Variants in CDK14 observed in about 807,000 individuals in gnomAD.
The protein encoded by CDK14 is cyclin-dependent kinase 14.
A neutral mutation model predicts 60.7 loss-of-function variants in CDK14; 34 were observed. The ratio of observed to expected loss-of-function variants is 0.56; its 90% CI spans 0.43 to 0.75. CDK14 has a LOEUF of 0.75. Among genes scored for constraint, CDK14 ranks in the 30% least tolerant of loss-of-function variants. The probability of loss-of-function intolerance (pLI) is 0.00; values close to 1 mark genes in which losing one functional copy is unlikely to be tolerated. For missense variants in CDK14, 482 were observed against 564.1 expected, an observed-to-expected ratio of 0.85 and a Z score of 1.47; for synonymous variants, 197 against 203.7, an observed-to-expected ratio of 0.97 and a Z score of 0.28.
intron 14 of CDK14, among the ~76,000 whole-genome samples, chr7:91,173,724 C>T (rs2115819568): frequency 6.6e-6 from 1 of 152,312 alleles, no homozygotes; most frequent in South Asian, 2.1e-4. Context: ...GGGTCACTCC[C>T]ACCCCAATAC....
At chr7:90,926,465 C>G (rs1480381349) in intron 8 of CDK14, among the ~76,000 whole-genome samples, 2 of 152,112 alleles carry the variant, frequency 1.3e-5, no homozygotes, top group Admixed American at 6.5e-5. Context: ...CATTGAGAAG[C>G]CTTATGGACA....
chr7:91,016,700 C>T (rs1240538416), intron 10 of CDK14, among the ~76,000 whole-genome samples: 4 of 152,206 alleles, frequency 2.6e-5, no homozygotes, highest in African/African-American at 9.7e-5. Flanking sequence ...GGCAAATCCA[C>T]TGCTACTATG....
chr7:90,923,835 G>T (rs1207458072), intron 8 of CDK14, among the ~76,000 whole-genome samples: 1 of 152,228 alleles, frequency 6.6e-6, no homozygotes, highest in African/African-American at 2.4e-5. Flanking sequence ...CATACTGGAT[G>T]TAAGTTAAAA....
intron 14 of CDK14, among the ~76,000 whole-genome samples, chr7:91,166,659 G>A (rs1584153640): frequency 1.3e-5 from 2 of 152,090 alleles, no homozygotes; most frequent in African/African-American, 4.8e-5. Context: ...TGGCATTTTC[G>A]CTTTTTATTC....
At chr7:90,948,944 G>T (rs928087733) in intron 8 of CDK14, among the ~76,000 whole-genome samples, 1 of 152,126 alleles carries the variant, frequency 6.6e-6, no homozygotes, top group African/African-American at 2.4e-5. Flanking sequence ...ATAGTATTTA[G>T]CCAAAGAATT....
intron 12 of CDK14, among the ~76,000 whole-genome samples, chr7:91,082,094 A>G (rs1798497924): frequency 6.6e-6 from 1 of 152,158 alleles, no homozygotes; most frequent in African/African-American, 2.4e-5. Context: ...TTTCTCTTCC[A>G]AATCTCTCTA....
At chr7:91,164,126 G>A (rs1242738792) in intron 14 of CDK14, among the ~76,000 whole-genome samples, 3 of 152,048 alleles carry the variant, frequency 2.0e-5, no homozygotes, top group Non-Finnish European at 2.9e-5. Flanking sequence ...ATAGCAGAAC[G>A]TTGGCAACAC....
intron 11 of CDK14, among the ~76,000 whole-genome samples, chr7:91,052,137 G>C (rs1562883720): frequency 6.6e-6 from 1 of 152,162 alleles, no homozygotes; most frequent in Non-Finnish European, 1.5e-5. Context: ...AGTGCGAGTG[G>C]TGTTTGATTG....
At chr7:90,621,655 T>TCCTTCCTTCCTTCCTTCCTG (rs1799770444) in intron 2 of CDK14, among the ~76,000 whole-genome samples, 1 of 111,650 alleles carries the variant, frequency 9.0e-6, no homozygotes, top group African/African-American at 3.6e-5. Flanking sequence ...CTTCCTTCCT[T>TCCTTCCTTCCTTCCTTCCTG]CCTTCCTTCC....
chr7:91,160,227 T>C (rs1178325748), intron 14 of CDK14, among the ~76,000 whole-genome samples: 1 of 152,178 alleles, frequency 6.6e-6, no homozygotes, highest in Non-Finnish European at 1.5e-5. Context: ...CAAAAGACCC[T>C]GTGCCCTCGG....
At chr7:90,789,733 T>C (rs943759858) in intron 4 of CDK14, among the ~76,000 whole-genome samples, 6 of 152,148 alleles carry the variant, frequency 3.9e-5, no homozygotes, top group African/African-American at 1.4e-4. Flanking sequence ...ATATGTGTGC[T>C]TTTGTTTTTT....
intron 14 of CDK14, among the ~76,000 whole-genome samples, chr7:91,175,763 C>T (rs1334801901): frequency 6.8e-6 from 1 of 147,718 alleles, no homozygotes; most frequent in Non-Finnish European, 1.5e-5. Flanking sequence ...AGCTAACTAT[C>T]CTAAATATAT....
chr7:90,605,909 C>G (rs1799407137), intron 2 of CDK14, among the ~76,000 whole-genome samples: 1 of 152,178 alleles, frequency 6.6e-6, no homozygotes, highest in Non-Finnish European at 1.5e-5. Flanking sequence ...TAAAAAGCAC[C>G]TGAGGCTGGA....
intron 11 of CDK14, among the ~76,000 whole-genome samples, chr7:91,077,979 T>C (rs942586606): frequency 1.3e-5 from 2 of 152,178 alleles, no homozygotes; most frequent in Non-Finnish European, 2.9e-5. Flanking sequence ...CAAGTGTAGC[T>C]TTGGCAACAT....
chr7:90,757,256 G>GTGTGTGTGTGTGTGTGTC (rs1554330398), intron 4 of CDK14, among the ~76,000 whole-genome samples: 3 of 147,412 alleles, frequency 2.0e-5, no homozygotes, highest in Non-Finnish European at 3.0e-5. Context: ...GTGTGTCTGT[G>GTGTGTGTGTGTGTGTGTC]TGTGTCTGTG....
chr7:90,838,657 A>G (rs758382084), intron 5 of CDK14, among the ~76,000 whole-genome samples: 11 of 152,120 alleles, frequency 7.2e-5, no homozygotes, highest in Non-Finnish European at 1.3e-4. Context: ...TGTCTGTCTT[A>G]TGCAGTTGAG....
Position 90,784,184 on chromosome 7 carries a change from G to A in CDK14, c.465-6389G>A, listed in dbSNP as rs545028997. 9.9e-5 allele frequency among the ~76,000 whole-genome samples: 15 copies of A among 152,264 alleles called. No individual in the cohort carries two copies. In the South Asian group the frequency reaches 2.9e-3, roughly 29 times the overall value. On this transcript the variant is annotated intron_variant, in intron 4 of 14. Coordinates refer to ENST00000380050, the MANE Select transcript of CDK14 (RefSeq NM_001287135.2). ...AATAAGCCAAGCACTAAGACAAATA[G>A]CACATGTTCTCAGTCATATATGGGA...
chr7:91,031,369 C>A (rs1358101), intron 10 of CDK14, among the ~76,000 whole-genome samples: 50,045 of 151,548 alleles, frequency 0.33, 8,796 homozygotes, highest in African/African-American at 0.43. Flanking sequence ...TTTCGATAAT[C>A]GTCATACAGG....
intron 6 of CDK14, among the ~76,000 whole-genome samples, chr7:90,873,406 A>T (rs774911551): frequency 1.3e-5 from 2 of 152,230 alleles, no homozygotes; most frequent in African/African-American, 4.8e-5. Flanking sequence ...ATAACTTCAC[A>T]AATTTTTAAA....
Sources: gnomAD v4.1 joint callset for allele counts (sites outside exome capture counted in the v4.1 genomes callset) on GRCh38, gnomAD v4.1.1 for gene constraint, MANE v1.5 for transcripts, NCBI Gene and HGNC (gene_info 2026-07-23, HGNC 2026-07-21) for gene names.